KCTD19: variants seen among roughly 807,000 people sequenced by gnomAD.
KCTD19 encodes potassium channel tetramerization domain containing 19, also known as BTB/POZ domain-containing protein KCTD19.
A neutral mutation model predicts 103.5 loss-of-function variants in KCTD19; 67 were observed. The observed-to-expected ratio is 0.65, with a 90% confidence interval of 0.53 to 0.79. The LOEUF (loss-of-function observed/expected upper bound fraction) is 0.79, where lower values mean the gene tolerates loss of function less well. Ranked by LOEUF, KCTD19 falls within the 30% of genes least tolerant of loss-of-function variation. The pLI is 0.00. For missense variants in KCTD19, 980 were observed against 1,136.1 expected, an observed-to-expected ratio of 0.86 and a Z score of 1.98; for synonymous variants, 439 against 452.2, an observed-to-expected ratio of 0.97 and a Z score of 0.37.
intron 2 of KCTD19, among the ~76,000 whole-genome samples, chr16:67,316,586 A>G (rs886315634): frequency 6.6e-6 from 1 of 152,202 alleles, no homozygotes; most frequent in Admixed American, 6.5e-5. Context: ...AAAAGAAAAT[A>G]ATATAAACAT....
chr16:67,321,371 G>T (rs2037070986), intron 1 of KCTD19, among the ~76,000 whole-genome samples: 1 of 152,086 alleles, frequency 6.6e-6, no homozygotes, highest in Non-Finnish European at 1.5e-5. Context: ...ACAAAAGAAT[G>T]AAATACATGT....
In KCTD19 at chr16:67,297,374, A is replaced by G. The variant is rs946036804; in HGVS notation, c.1147+129T>C. On this transcript the variant is annotated intron_variant, in intron 7 of 15. Transcript: ENST00000304372. ...GAAAGTTTCCCTTTTGTAAAAATCC[A>G]AAATATTGGCCTGGCTTTCCCCTCC... is the stretch of plus-strand genomic sequence containing the variant. The G allele has an allele frequency of 5.2e-6, 5 of 966,114 alleles. No individual in the cohort carries two copies. The African/African-American group carries it at 8.3e-5, about 16-fold the overall frequency. 59.8% of individuals were successfully genotyped at this position (966,114 alleles called of 1,614,324 possible). A position where few individuals can be genotyped will look rare whatever the true frequency, so the allele number is the denominator to read the frequency against.
chr16:67,315,716 G>A lies in KCTD19; in HGVS notation c.300+4873C>T, dbSNP rs181017154. Among the ~76,000 whole-genome samples, 11 of 151,940 alleles carry A rather than the reference G, an allele frequency of 7.2e-5. No individual in the cohort carries two copies. The East Asian group carries it at 1.8e-3, about 24-fold the overall frequency. On this transcript the variant is annotated intron_variant, in intron 2 of 15. Transcript: ENST00000304372. ...AGGCTGGTCTCAAACTCCCGACCTC[G>A]TGATCGCCTGCCTCGGCCTCCCAAA... is the stretch of plus-strand genomic sequence containing the variant.
At chr16:67,326,683 C>A in intron 1 of KCTD19, 22 bp downstream of exon 1, 1 of 1,582,132 alleles carries the variant, frequency 6.3e-7, no homozygotes, top group East Asian at 2.4e-5. Flanking sequence ...TTTTGGCGCC[C>A]CCGCCAGAGC....
chr16:67,317,937 T>C (rs2037030105), intron 2 of KCTD19, among the ~76,000 whole-genome samples: 1 of 152,128 alleles, frequency 6.6e-6, no homozygotes. Context: ...AAGCAAAGTG[T>C]TTGCTCATTT....
At chr16:67,314,058 T>C (rs1229069039) in intron 2 of KCTD19, among the ~76,000 whole-genome samples, 3 of 152,074 alleles carry the variant, frequency 2.0e-5, no homozygotes, top group Non-Finnish European at 2.9e-5. Context: ...TGTCTCATTA[T>C]GTTGCCCAGG....
chr16:67,312,326 T>C (rs1319625309), intron 2 of KCTD19, among the ~76,000 whole-genome samples: 1 of 152,192 alleles, frequency 6.6e-6, no homozygotes, highest in Non-Finnish European at 1.5e-5. Context: ...TGTGAAGGGC[T>C]CAGATCAGTT....
At chr16:67,316,678 T>C (rs1005801735) in intron 2 of KCTD19, among the ~76,000 whole-genome samples, 3 of 152,214 alleles carry the variant, frequency 2.0e-5, no homozygotes, top group Non-Finnish European at 2.9e-5. Context: ...TTTAATTGTC[T>C]TCATAGCATT....
chr16:67,325,653 G>C (rs925467474), intron 1 of KCTD19, among the ~76,000 whole-genome samples: 2 of 152,094 alleles, frequency 1.3e-5, no homozygotes, highest in Admixed American at 1.3e-4. Flanking sequence ...TGAGGGTAGG[G>C]GTTAGGGATG....
chr16:67,315,051 G>A lies in KCTD19; in HGVS notation c.300+5538C>T, dbSNP rs552820694. On this transcript the variant is annotated intron_variant, in intron 2 of 15. Transcript: ENST00000304372. ...TCTTTTTTAATTTTTTGTAGAGTTG[G>A]AGTCTCACTTTGTTGCCTAGGCTGG... Among the ~76,000 whole-genome samples the A allele has an allele frequency of 3.9e-3, 599 of 151,776 alleles. 5 individuals are homozygous for A. The highest frequency in any genetic ancestry group is 5.3e-3 in the Non-Finnish European group (363 of 67,942).
In KCTD19 at chr16:67,293,701, T is replaced by C. The variant is rs201863465; in HGVS notation, c.2061A>G (p.Lys687=). ...CCTTCTCTGAGGCTGTGGAATGGGC[T>C]TTCCAGGCAGCTGAGGTGCTGGGCT... ...ASQPSTSAAW[K]AHSTASEKDP... Residue 687 remains lysine (K), a synonymous_variant, in exon 12 of 16, where the codon AAA becomes AAG. Coordinates refer to ENST00000304372, the MANE Select transcript of KCTD19 (RefSeq NM_001100915.3). The surrounding 1 kb of genome is among the most constrained non-coding windows in gnomAD (Gnocchi z 4.0). 50 of 1,613,948 alleles carry C rather than the reference T, an allele frequency of 3.1e-5. No individual in the cohort carries two copies. Among genetic ancestry groups the C allele is most frequent in the Non-Finnish European group, 3.7e-5 (44 of 1,180,008 alleles).
In KCTD19 at chr16:67,295,381, G is replaced by C. The variant is rs757801072; in HGVS notation, c.1273C>G (p.Gln425Glu). The C allele has an allele frequency of 6.2e-7, 1 of 1,613,570 alleles. No individual in the cohort carries two copies. Among genetic ancestry groups the C allele is most frequent in the East Asian group, 2.2e-5 (1 of 44,852 alleles). ...LKYPELLSNP[Q>E]RVYWITYGQT... ...CCATATGTGATCCAGTACACTCTCT[G>C]AGGGTTGGACAGCAGTTCTGGATAC... Residue 425 changes from glutamine to glutamate, a missense_variant, in exon 9 of 16, where the codon CAG becomes GAG. Physicochemically the swap from Gln to Glu is conservative, Grantham distance 29. Coordinates refer to ENST00000304372, the MANE Select transcript of KCTD19 (RefSeq NM_001100915.3).
chr16:67,319,633 G>C (rs2037050316), intron 2 of KCTD19, among the ~76,000 whole-genome samples: 1 of 151,678 alleles, frequency 6.6e-6, no homozygotes. Flanking sequence ...AGGAAAGAAA[G>C]GTAATGTTTT....
At chr16:67,314,830 T>TATATAGAG (rs1430877802) in intron 2 of KCTD19, among the ~76,000 whole-genome samples, 9 of 33,646 alleles carry the variant, frequency 2.7e-4, no homozygotes, top group African/African-American at 1.1e-3. Flanking sequence ...TATATATATA[T>TATATAGAG]AGAGAGAGAG....
chr16:67,304,102 G>C (rs1354164381), intron 3 of KCTD19, among the ~76,000 whole-genome samples: 7 of 152,160 alleles, frequency 4.6e-5, no homozygotes, highest in Non-Finnish European at 1.5e-5. Flanking sequence ...TGATTATTTA[G>C]GGACATTCTG....
At chr16:67,312,519 G>T (rs1202944951) in intron 2 of KCTD19, among the ~76,000 whole-genome samples, 1 of 151,774 alleles carries the variant, frequency 6.6e-6, no homozygotes, top group Non-Finnish European at 1.5e-5. Context: ...TTTATCTCTA[G>T]GCCTAACTGT....
intron 6 of KCTD19, 86 bp from the exon 7 acceptor site, chr16:67,297,749 C>A: frequency 7.5e-7 from 1 of 1,334,784 alleles, no homozygotes; most frequent in Non-Finnish European, 1.0e-6. Context: ...GCCTAGGATG[C>A]CTTGCCGCAA....
Position 67,320,456 on chromosome 16 carries a change from T to C in KCTD19, c.300+133A>G, listed in dbSNP as rs1299736221. 1.2e-6 allele frequency: 1 copy of C among 848,156 alleles called. No individual in the cohort carries two copies. Among genetic ancestry groups the C allele is most frequent in the Admixed American group, 2.3e-5 (1 of 42,666 alleles). The allele number at this position is 848,156 out of a possible 1,614,324, so 52.5% of individuals were successfully genotyped here. ...CCTATACTAATGAGGAAATTATTTA[T>C]TACTTTAACACACTTATTACATTTG... On this transcript the variant is annotated intron_variant, in intron 2 of 15. Coordinates refer to ENST00000304372, the MANE Select transcript of KCTD19 (RefSeq NM_001100915.3). The surrounding 1 kb of genome is among the most constrained non-coding windows in gnomAD (Gnocchi z 4.0).
At position 67,303,177 on chromosome 16, in the gene KCTD19, G is replaced by C; in HGVS notation, c.612C>G (p.Ile204Met). ...AGCGGAACTCGCTGCACTCGCACTC[G>C]ATGAGGGCCACCGTCTCAGCCAGCC... ...LLWLAETVAL[I>M]ECECSEFRFI... The change falls in exon 4 of 16, where the codon ATC (isoleucine) becomes ATG (methionine). Residue 204 changes from isoleucine to methionine, a missense_variant. Coordinates refer to ENST00000304372, the MANE Select transcript of KCTD19 (RefSeq NM_001100915.3). This position sits in a 1 kb window ranked among gnomAD's most constrained non-coding sequence, Gnocchi z 4.3. 1.2e-6 allele frequency: 2 copies of C among 1,610,672 alleles called. No individual in the cohort carries two copies. The highest frequency in any genetic ancestry group is 1.7e-6 in the Non-Finnish European group (2 of 1,179,460).
Sources: gnomAD v4.1 joint callset for allele counts (sites outside exome capture counted in the v4.1 genomes callset) on GRCh38, gnomAD v4.1.1 for gene constraint, Gnocchi (gnomAD v3.1) non-coding constraint, MANE v1.5 for transcripts, NCBI Gene and HGNC (gene_info 2026-07-23, HGNC 2026-07-21) for gene names.